IRAG1: variants seen among roughly 807,000 people sequenced by gnomAD.
IRAG1 encodes the protein IP3R-associated cGMP kinase substrate.
Under a neutral mutation model 106.2 loss-of-function variants are expected in IRAG1, and 62 were observed. That is an observed-to-expected ratio of 0.58 (90% CI 0.48 to 0.72). The LOEUF is 0.72. IRAG1 is among the 30% of genes least tolerant of loss of function. IRAG1 has a pLI of 0.00. For synonymous variants in IRAG1, 462 were observed against 443.9 expected (o/e 1.04, Z -0.51); for missense variants, 1,064 against 1,140.7 (o/e 0.93, Z 0.97).
At chr11:10,629,775 C>G in intron 4 of IRAG1, 64 bp from the exon 5 acceptor site, 1 of 1,501,688 alleles carries the variant, frequency 6.7e-7, no homozygotes, top group Non-Finnish European at 9.0e-7. Context: ...TGAGGTCATG[C>G]CATACCATGC....
At chr11:10,632,819 T>C (rs1856806286) in intron 3 of IRAG1, among the ~76,000 whole-genome samples, 1 of 152,238 alleles carries the variant, frequency 6.6e-6, no homozygotes, top group Admixed American at 6.5e-5. Flanking sequence ...ACGCAGATGA[T>C]TTCTGTTTGG....
chr11:10,665,936 T>G lies in IRAG1; in HGVS notation c.68-13754A>C, dbSNP rs1859753272. 6.6e-6 allele frequency among the ~76,000 whole-genome samples: 1 copy of G among 151,976 alleles called. No homozygotes were observed. Among genetic ancestry groups the G allele is most frequent in the African/African-American group, 2.4e-5 (1 of 41,346 alleles). ...GACCCAAGTTGAGAACAGGTTATGG[T>G]GAACAGTGATATGCAATGGCAGGGG... On this transcript the variant is annotated intron_variant, in intron 1 of 20. Transcript: ENST00000423302. The surrounding 1 kb of genome is among the most constrained non-coding windows in gnomAD (Gnocchi z 4.2).
chr11:10,687,785 G>A (rs539452304), intron 1 of IRAG1: 2 of 1,289,070 alleles, frequency 1.6e-6, no homozygotes, highest in African/African-American at 1.5e-5. Context: ...TCTCTGGAGG[G>A]GAACAGACAG....
At chr11:10,693,019 A>G (rs80017019) in intron 1 of IRAG1, among the ~76,000 whole-genome samples, 234 of 152,302 alleles carry the variant, frequency 1.5e-3, no homozygotes, top group African/African-American at 5.3e-3. Flanking sequence ...AGATAAAAAC[A>G]GGGACTGTGA....
intron 1 of IRAG1, chr11:10,687,411 C>A (rs1298721817): frequency 1.1e-5 from 2 of 178,694 alleles, no homozygotes; most frequent in Non-Finnish European, 1.2e-5. Context: ...CTCTGTTTCT[C>A]CAAGCTTTAA....
intron 14 of IRAG1, 63 bp from the exon 15 acceptor site, chr11:10,601,122 T>C: frequency 6.2e-7 from 1 of 1,601,758 alleles, no homozygotes. Context: ...TGGCACTTAT[T>C]TGCTCTGACC....
chr11:10,603,606 C>T (rs1221062674), intron 13 of IRAG1, among the ~76,000 whole-genome samples: 4 of 151,854 alleles, frequency 2.6e-5, no homozygotes, highest in Non-Finnish European at 1.5e-5. Flanking sequence ...TACCGGTTTG[C>T]GGCCTGGCCC....
At chr11:10,581,294 G>A (rs1401537155) in intron 19 of IRAG1, among the ~76,000 whole-genome samples, 1 of 152,168 alleles carries the variant, frequency 6.6e-6, no homozygotes, top group Non-Finnish European at 1.5e-5. Flanking sequence ...TATGGAGACA[G>A]GAGACGCATA....
At chr11:10,620,330 A>C (rs1475650044) in intron 10 of IRAG1, among the ~76,000 whole-genome samples, 1 of 149,694 alleles carries the variant, frequency 6.7e-6, no homozygotes, top group Non-Finnish European at 1.5e-5. Context: ...ACGTATTAAA[A>C]AGCAAAAAAA....
chr11:10,620,338 A>G (rs181236325), intron 10 of IRAG1, among the ~76,000 whole-genome samples: 93 of 146,138 alleles, frequency 6.4e-4, no homozygotes, highest in Non-Finnish European at 1.1e-3. Flanking sequence ...AAAAGCAAAA[A>G]AAAGATTGAA....
chr11:10,622,876 GACACACACAC>G (rs10525799), intron 10 of IRAG1, among the ~76,000 whole-genome samples: 3 of 141,384 alleles, frequency 2.1e-5, no homozygotes, highest in South Asian at 2.3e-4. Context: ...GTAAGCAGTG[GACACACACAC>G]ACACACACAC....
intron 10 of IRAG1, 57 bp from the exon 11 acceptor site, chr11:10,609,908 G>A: frequency 6.4e-7 from 1 of 1,564,026 alleles, no homozygotes; most frequent in African/African-American, 1.4e-5. Context: ...TAGTACTGTT[G>A]GCAGCTAGCT....
chr11:10,580,396 TA>T, intron 20 of IRAG1, 58 bp downstream of exon 20: 1 of 1,575,170 alleles, frequency 6.3e-7, no homozygotes, highest in Non-Finnish European at 8.6e-7. Flanking sequence ...GCATTTAAAT[TA>T]GATGAATTGT....
intron 2 of IRAG1, among the ~76,000 whole-genome samples, chr11:10,649,186 T>C (rs1017305571): frequency 3.3e-5 from 5 of 152,138 alleles, no homozygotes; most frequent in Non-Finnish European, 7.4e-5. Flanking sequence ...AGAAACCCAA[T>C]GTGGGTGGTC....
chr11:10,680,320 G>T (rs1217742710), intron 1 of IRAG1, among the ~76,000 whole-genome samples: 5 of 115,388 alleles, frequency 4.3e-5, no homozygotes, highest in Non-Finnish European at 8.5e-5. Context: ...GAGGGAGGGA[G>T]GGGGGAAGGA....
intron 17 of IRAG1, among the ~76,000 whole-genome samples, chr11:10,592,120 G>A (rs886512752): frequency 1.3e-5 from 2 of 152,164 alleles, no homozygotes; most frequent in Non-Finnish European, 2.9e-5. Flanking sequence ...TCCAGGTTGT[G>A]TTGTTGCAAT....
intron 2 of IRAG1, among the ~76,000 whole-genome samples, chr11:10,650,173 T>C (rs1858350943): frequency 6.6e-6 from 1 of 152,184 alleles, no homozygotes; most frequent in Admixed American, 6.5e-5. Context: ...CCCAAACCCA[T>C]GGGATCAAGA....
At chr11:10,684,408 G>C (rs997563822) in intron 1 of IRAG1, among the ~76,000 whole-genome samples, 17 of 151,926 alleles carry the variant, frequency 1.1e-4, no homozygotes, top group Non-Finnish European at 2.4e-4. Flanking sequence ...ATTGAACAAT[G>C]AGAACACATG....
rs1484379360 is a variant in IRAG1, at chr11:10,629,412, G to A, written c.574+126C>T. ...CCAGGACAGAATCCTGACCTCTGCT[G>A]AGGAGAGCAGGTGAGTCCAAGGCGA... On this transcript the variant is annotated intron_variant, in intron 5 of 20. Transcript: ENST00000423302. 29 of 960,784 alleles carry A rather than the reference G, an allele frequency of 3.0e-5. No individual in the cohort carries two copies. The East Asian group carries it at 7.4e-4, about 24-fold the overall frequency. The allele number at this position is 960,784 out of a possible 1,614,324, so 59.5% of individuals were successfully genotyped here.
Sources: gnomAD v4.1 joint callset for allele counts (sites outside exome capture counted in the v4.1 genomes callset) on GRCh38, gnomAD v4.1.1 for gene constraint, Gnocchi (gnomAD v3.1) non-coding constraint, MANE v1.5 for transcripts, NCBI Gene and HGNC (gene_info 2026-07-23, HGNC 2026-07-21) for gene names.